CDK14: variants seen among roughly 807,000 people sequenced by gnomAD.
CDK14 encodes the protein cyclin-dependent kinase 14.
CDK14 carries 34 observed loss-of-function variants against 60.7 expected under a neutral mutation model. The ratio of observed to expected loss-of-function variants is 0.56; its 90% CI spans 0.43 to 0.75. The LOEUF (loss-of-function observed/expected upper bound fraction) is 0.75. CDK14 is among the 30% of genes least tolerant of loss of function. CDK14 has a pLI of 0.00. For synonymous variants in CDK14, 197 were observed against 203.7 expected (o/e 0.97, Z 0.28); for missense variants, 482 against 564.1 (o/e 0.85, Z 1.47).
intron 5 of CDK14, among the ~76,000 whole-genome samples, chr7:90,847,560 C>A (rs1790508812): frequency 6.6e-6 from 1 of 152,102 alleles, no homozygotes; most frequent in South Asian, 2.1e-4. Context: ...GTACATCCAT[C>A]ACCTCTACTT....
chr7:91,122,963 A>G (rs1799827195), intron 14 of CDK14, among the ~76,000 whole-genome samples: 1 of 152,192 alleles, frequency 6.6e-6, no homozygotes. Context: ...AGCATTTGGA[A>G]GAGACTGCTG....
At chr7:91,048,860 C>G (rs575378941) in intron 11 of CDK14, among the ~76,000 whole-genome samples, 1 of 151,730 alleles carries the variant, frequency 6.6e-6, no homozygotes, top group Admixed American at 6.6e-5. Context: ...TTTTTTAAAC[C>G]TATTTCTAGA....
At chr7:91,060,484 T>G (rs1436163842) in intron 11 of CDK14, among the ~76,000 whole-genome samples, 1 of 152,216 alleles carries the variant, frequency 6.6e-6, no homozygotes, top group Non-Finnish European at 1.5e-5. Flanking sequence ...TGATGCAGTT[T>G]CTTCCTAGCC....
At chr7:91,008,722 G>A (rs1390594828) in intron 10 of CDK14, among the ~76,000 whole-genome samples, 2 of 152,032 alleles carry the variant, frequency 1.3e-5, no homozygotes, top group Non-Finnish European at 2.9e-5. Context: ...AAGGCTTAAG[G>A]GTTTTATATT....
chr7:90,772,699 G>A (rs12534848), intron 4 of CDK14, among the ~76,000 whole-genome samples: 27,862 of 152,132 alleles, frequency 0.18, 2,673 homozygotes, highest in South Asian at 0.24. Flanking sequence ...TGAACAGCCT[G>A]TGGAACTGTG....
chr7:91,065,825 A>C (rs1439110102), intron 11 of CDK14, among the ~76,000 whole-genome samples: 1 of 152,218 alleles, frequency 6.6e-6, no homozygotes, highest in Non-Finnish European at 1.5e-5. Context: ...ATGAATGAAT[A>C]AAATACTGTG....
intron 8 of CDK14, among the ~76,000 whole-genome samples, chr7:90,955,035 C>T (rs1002785554): frequency 4.6e-5 from 7 of 151,556 alleles, no homozygotes; most frequent in Admixed American, 3.9e-4. Flanking sequence ...TAACATCTTC[C>T]CAGTTTAAAA....
At chr7:91,032,487 C>T (rs1023268503) in intron 10 of CDK14, among the ~76,000 whole-genome samples, 4 of 152,066 alleles carry the variant, frequency 2.6e-5, no homozygotes, top group African/African-American at 4.8e-5. Flanking sequence ...GGGTAATTAT[C>T]GTTGAGTATC....
intron 6 of CDK14, among the ~76,000 whole-genome samples, chr7:90,881,297 T>C (rs777201372): frequency 2.0e-5 from 3 of 152,032 alleles, no homozygotes; most frequent in Non-Finnish European, 2.9e-5. Flanking sequence ...TCGTGAAGCA[T>C]ACAGAATATC....
rs551045649 is a variant in CDK14 at position 90,981,856 on chromosome 7, C to A, written c.948-2292C>A. Among the ~76,000 whole-genome samples the A allele has an allele frequency of 7.8e-5, 8 of 102,330 alleles. No homozygotes were observed. The South Asian group carries it at 2.3e-3, about 30-fold the overall frequency. 67.1% of individuals were successfully genotyped at this position (102,330 alleles called of 152,430 possible). ...ACACTGGATCATCTGAACATCTAAG[C>A]CTCCAGAAGTCAAGAACCAAGTCAT... On this transcript the variant is annotated intron_variant, in intron 9 of 14. Coordinates refer to ENST00000380050, the MANE Select transcript of CDK14 (RefSeq NM_001287135.2).
At chr7:90,637,780 G>A (rs1461185529) in intron 2 of CDK14, among the ~76,000 whole-genome samples, 1 of 94,154 alleles carries the variant, frequency 1.1e-5, no homozygotes, top group Non-Finnish European at 2.1e-5. Flanking sequence ...AAGTCTCTTT[G>A]TAGGTCCTAA....
chr7:91,095,179 G>C (rs1422607596), intron 12 of CDK14, among the ~76,000 whole-genome samples: 1 of 152,220 alleles, frequency 6.6e-6, no homozygotes, highest in Non-Finnish European at 1.5e-5. Flanking sequence ...ATGAAAAAGA[G>C]CACTGGCAGC....
chr7:91,148,400 A>G (rs1800722375), intron 14 of CDK14, among the ~76,000 whole-genome samples: 1 of 152,162 alleles, frequency 6.6e-6, no homozygotes, highest in Non-Finnish European at 1.5e-5. Flanking sequence ...CAAATAGATA[A>G]TGATGTGCAT....
intron 2 of CDK14, among the ~76,000 whole-genome samples, chr7:90,711,882 A>ACGT (rs1408956904): frequency 2.7e-4 from 30 of 110,858 alleles, no homozygotes; most frequent in East Asian, 4.9e-4. Flanking sequence ...ATAGTCTACT[A>ACGT]TGTTTTTTTT....
At chr7:90,808,563 G>A (rs1199291955) in intron 5 of CDK14, among the ~76,000 whole-genome samples, 1 of 152,132 alleles carries the variant, frequency 6.6e-6, no homozygotes, top group Non-Finnish European at 1.5e-5. Flanking sequence ...ATCAACTAAC[G>A]AGCAAAATAA....
chr7:90,799,084 TAGAC>T (rs774239280), intron 5 of CDK14, among the ~76,000 whole-genome samples: 3 of 152,234 alleles, frequency 2.0e-5, no homozygotes, highest in East Asian at 1.9e-4. Context: ...AAGATTTTCT[TAGAC>T]AGGCATGAGG....
At chr7:91,185,457 G>A (rs1261521795) in intron 14 of CDK14, among the ~76,000 whole-genome samples, 2 of 151,738 alleles carry the variant, frequency 1.3e-5, no homozygotes, top group East Asian at 1.9e-4. Flanking sequence ...ATATAAAGAG[G>A]ACATACCTCA....
intron 1 of CDK14, among the ~76,000 whole-genome samples, chr7:90,598,496 C>A (rs4727233): frequency 0.46 from 69,178 of 151,738 alleles, 16,126 homozygotes; most frequent in East Asian, 0.67. Flanking sequence ...CTGATTATTT[C>A]TTGTATTGAT....
At chr7:90,763,677 A>C (rs921043089) in intron 4 of CDK14, among the ~76,000 whole-genome samples, 27 of 100,698 alleles carry the variant, frequency 2.7e-4, no homozygotes, top group African/African-American at 1.0e-3. Context: ...GGGTGGGGGG[A>C]TGGGGGAGGG....
Sources: gnomAD v4.1 joint callset for allele counts (sites outside exome capture counted in the v4.1 genomes callset) on GRCh38, gnomAD v4.1.1 for gene constraint, MANE v1.5 for transcripts, NCBI Gene and HGNC (gene_info 2026-07-23, HGNC 2026-07-21) for gene names.